The following BICD1 variants were observed in gnomAD, a reference collection of about 807,000 sequenced individuals.
BICD1 encodes protein bicaudal D homolog 1.
Under a neutral mutation model 92.5 loss-of-function variants are expected in BICD1, and 35 were observed. The observed-to-expected ratio is 0.38, with a 90% confidence interval of 0.29 to 0.50. BICD1 has a LOEUF of 0.50. Ranked by LOEUF, BICD1 falls within the 20% of genes least tolerant of loss-of-function variation. The pLI is 0.93. For synonymous variants in BICD1, 429 were observed against 465.1 expected (o/e 0.92, Z 1.00); for missense variants, 950 against 1,189.8 (o/e 0.80, Z 2.97).
At chr12:32,178,801 G>T (rs894793160) in intron 1 of BICD1, among the ~76,000 whole-genome samples, 1 of 151,908 alleles carries the variant, frequency 6.6e-6, no homozygotes, top group Non-Finnish European at 1.5e-5. Context: ...GGCTGGGTTG[G>T]TAAAAATGGC....
intron 1 of BICD1, among the ~76,000 whole-genome samples, chr12:32,196,726 G>A (rs180690779): frequency 3.9e-5 from 6 of 152,228 alleles, no homozygotes; most frequent in Admixed American, 2.0e-4. Flanking sequence ...TATAGTTGAC[G>A]ATACTGTGTT....
intron 4 of BICD1, among the ~76,000 whole-genome samples, chr12:32,326,658 G>A (rs1279224640): frequency 6.6e-6 from 1 of 152,310 alleles, no homozygotes; most frequent in Non-Finnish European, 1.5e-5. Flanking sequence ...GCAGAGGCAG[G>A]GGGCTGACAT....
intron 1 of BICD1, among the ~76,000 whole-genome samples, chr12:32,204,415 CAG>C (rs1392632510): frequency 2.6e-5 from 4 of 151,540 alleles, no homozygotes; most frequent in Non-Finnish European, 5.9e-5. Context: ...CATTAGTAAT[CAG>C]GGAAATGCAA....
intron 4 of BICD1, among the ~76,000 whole-genome samples, chr12:32,314,885 A>G (rs1279105046): frequency 2.6e-5 from 4 of 152,082 alleles, no homozygotes; most frequent in African/African-American, 4.8e-5. Flanking sequence ...GCCTCAAGCA[A>G]TCCTCCCACC....
chr12:32,301,334 A>G (rs1319663040), intron 3 of BICD1, among the ~76,000 whole-genome samples: 1 of 152,168 alleles, frequency 6.6e-6, no homozygotes, highest in Non-Finnish European at 1.5e-5. Flanking sequence ...TCAGTCAGCA[A>G]GTATAAAGGA....
At chr12:32,307,037 A>G (rs778265678) in intron 4 of BICD1, among the ~76,000 whole-genome samples, 1 of 152,108 alleles carries the variant, frequency 6.6e-6, no homozygotes, top group Non-Finnish European at 1.5e-5. Flanking sequence ...AAAAAGAAAA[A>G]AGAAAAGACA....
intron 8 of BICD1, chr12:32,339,584 C>T: frequency 1.0e-6 from 1 of 985,198 alleles, no homozygotes; most frequent in Non-Finnish European, 1.2e-6. Context: ...ATTTTTCTTT[C>T]TTCCTTCCTT....
chr12:32,114,880 G>A (rs962574732), intron 1 of BICD1, among the ~76,000 whole-genome samples: 3 of 152,214 alleles, frequency 2.0e-5, no homozygotes, highest in Non-Finnish European at 2.9e-5. Context: ...TGGAAAATTA[G>A]CCCTTACTCA....
chr12:32,139,969 C>A (rs1206697067), intron 1 of BICD1, among the ~76,000 whole-genome samples: 2 of 152,218 alleles, frequency 1.3e-5, no homozygotes, highest in African/African-American at 4.8e-5. Flanking sequence ...GCAGAACCAT[C>A]TGTCCGTGTA....
chr12:32,148,371 G>T (rs913118464), intron 1 of BICD1, among the ~76,000 whole-genome samples: 1 of 152,128 alleles, frequency 6.6e-6, no homozygotes, highest in Non-Finnish European at 1.5e-5. Context: ...TGGCTTTCTG[G>T]AGAGTCTGCC....
Position 32,381,061 on chromosome 12 carries a change from G to C in BICD1, c.*3434G>C, listed in dbSNP as rs1940159369. 1 of 151,990 alleles carries C rather than the reference G, an allele frequency of 6.6e-6. No homozygotes were observed. Among genetic ancestry groups the C allele is most frequent in the Non-Finnish European group, 1.5e-5 (1 of 67,946 alleles). The allele number at this position is 151,990 out of a possible 1,614,324, so 9.4% of individuals were successfully genotyped here. A position where few individuals can be genotyped will look rare whatever the true frequency, so the allele number is the denominator to read the frequency against. On this transcript the variant is annotated 3_prime_UTR_variant, in exon 10 of 10. Transcript: ENST00000652176. ...AGGAGAATGCATTTCAGTTCTGGGA[G>C]CTCATAATCCTGTGATTCTTTTATT...
At chr12:32,247,699 CA>C (rs1946424440) in intron 2 of BICD1, among the ~76,000 whole-genome samples, 3 of 152,096 alleles carry the variant, frequency 2.0e-5, no homozygotes, top group Non-Finnish European at 4.4e-5. Flanking sequence ...GAGGCTGAGG[CA>C]GGAAAATTGG....
At chr12:32,153,527 C>T (rs1008613520) in intron 1 of BICD1, among the ~76,000 whole-genome samples, 33 of 152,054 alleles carry the variant, frequency 2.2e-4, no homozygotes, top group African/African-American at 7.2e-4. Flanking sequence ...GAGGCCAAGG[C>T]GGGTGGATCA....
intron 1 of BICD1, among the ~76,000 whole-genome samples, chr12:32,187,919 G>T (rs1944464505): frequency 6.6e-6 from 1 of 151,038 alleles, no homozygotes; most frequent in Non-Finnish European, 1.5e-5. Context: ...GCTCTGTCAC[G>T]CAGGCTGGAA....
chr12:32,178,481 C>G (rs1419142994), intron 1 of BICD1, among the ~76,000 whole-genome samples: 2 of 151,886 alleles, frequency 1.3e-5, no homozygotes, highest in African/African-American at 4.8e-5. Context: ...CCAGTTCTTG[C>G]TGGGTTCTAA....
chr12:32,299,810 T>G (rs1467898121), intron 3 of BICD1, among the ~76,000 whole-genome samples: 1 of 152,140 alleles, frequency 6.6e-6, no homozygotes, highest in Non-Finnish European at 1.5e-5. Context: ...AGAGATCGGG[T>G]CTTACAGGAA....
intron 2 of BICD1, among the ~76,000 whole-genome samples, chr12:32,279,053 G>A (rs2136164602): frequency 6.6e-6 from 1 of 152,154 alleles, no homozygotes; most frequent in South Asian, 2.1e-4. Flanking sequence ...GCTGTCTATA[G>A]ACTTCAAAAA....
chr12:32,224,571 G>C (rs1274848991), intron 2 of BICD1, among the ~76,000 whole-genome samples: 1 of 152,206 alleles, frequency 6.6e-6, no homozygotes, highest in Non-Finnish European at 1.5e-5. Flanking sequence ...ACAAAATATA[G>C]ACAATTCATT....
chr12:32,182,392 C>A (rs1944304698), intron 1 of BICD1, among the ~76,000 whole-genome samples: 1 of 147,798 alleles, frequency 6.8e-6, no homozygotes, highest in Non-Finnish European at 1.5e-5. Flanking sequence ...AGGCAATTCT[C>A]CTGCCTCAGC....
Sources: allele counts gnomAD v4.1 joint callset (sites outside exome capture counted in the v4.1 genomes callset), GRCh38; gene constraint gnomAD v4.1.1; transcripts MANE v1.5; gene names NCBI Gene and HGNC (gene_info 2026-07-23, HGNC 2026-07-21).